Variants in SERPINA6 observed in about 807,000 individuals in gnomAD.
SERPINA6 encodes the protein corticosteroid-binding globulin.
In SERPINA6, 19 loss-of-function variants were observed where a neutral mutation model predicts 26.4. That is an observed-to-expected ratio of 0.72 (90% CI 0.50 to 1.06). SERPINA6 has a LOEUF of 1.06. SERPINA6 is among the 50% of genes least tolerant of loss of function. SERPINA6 has a pLI of 0.00. For synonymous variants in SERPINA6, 196 were observed against 199.4 expected, an observed-to-expected ratio of 0.98 and a Z score of 0.14; for missense variants, 473 against 504.0, an observed-to-expected ratio of 0.94 and a Z score of 0.59.
chr14:94,306,911 G>A (rs1392670093), intron 3 of SERPINA6, among the ~76,000 whole-genome samples: 1 of 152,170 alleles, frequency 6.6e-6, no homozygotes, highest in Non-Finnish European at 1.5e-5. Context: ...CTCCCCAGAG[G>A]GAGAGCAGAT....
At position 94,304,593 on chromosome 14, in the gene SERPINA6, T is replaced by G. The variant is rs1355733476; in HGVS notation, c.1043A>C (p.Lys348Thr). 1.9e-6 allele frequency: 3 copies of G among 1,613,890 alleles called. No homozygotes were observed. Among genetic ancestry groups the G allele is most frequent in the Non-Finnish European group, 2.5e-6 (3 of 1,179,944 alleles). Reference sequence around the variant, plus strand: ...CTCCTCATTGAGTTGCAGCACAGCTTTATGGACCACCTGTTAGGTACAGAA... The same window carrying G: ...CTCCTCATTGAGTTGCAGCACAGCTGTATGGACCACCTGTTAGGTACAGAA... Reference protein sequence around the residue: ...AQLKSSKVVHKAVLQLNEEGV... With the variant: ...AQLKSSKVVHTAVLQLNEEGV... Residue 348 changes from lysine to threonine, a missense_variant, in exon 5 of 5, where the codon AAA (lysine) becomes ACA (threonine). By Grantham distance (78) the Lys-to-Thr change is moderately conservative. Coordinates refer to ENST00000341584, the MANE Select transcript of SERPINA6 (RefSeq NM_001756.4).
rs540894794 is a variant in SERPINA6, at chr14:94,309,790, A to G, written c.830T>C (p.Ile277Thr). Residue 277 changes from isoleucine (I) to threonine (T), a missense_variant, in exon 3 of 5, where the codon ATC becomes ACC. Physicochemically the swap from Ile to Thr is moderately conservative, Grantham distance 89. Coordinates refer to ENST00000341584, the MANE Select transcript of SERPINA6 (RefSeq NM_001756.4). ...LPDKGKMNTV[I>T]AALSRDTINR... ...AATCGTGTCCCGGCTCAGTGCAGCG[A>G]TGACTGTGTTCATCTTCCCCTTGTC... 5.6e-6 allele frequency: 9 copies of G among 1,614,188 alleles called. No homozygotes were observed. The East Asian group carries it at 1.6e-4, about 28-fold the overall frequency.
rs143333989 is a variant in SERPINA6, at chr14:94,317,035, T to A, written c.-19-2368A>T. 5.7e-3 allele frequency among the ~76,000 whole-genome samples: 875 copies of A among 152,314 alleles called. 9 individuals carry two copies. The highest frequency in any genetic ancestry group is 0.02 in the African/African-American group (826 of 41,574). ...TGGCAGATTGTGGGACTTCTCAGCTTCTGTAATTACATAAGGCAATTCCCA... is the reference window on the plus strand; with the variant it reads ...TGGCAGATTGTGGGACTTCTCAGCTACTGTAATTACATAAGGCAATTCCCA... On this transcript the variant is annotated intron_variant, in intron 1 of 4. Coordinates refer to ENST00000341584, the MANE Select transcript of SERPINA6 (RefSeq NM_001756.4).
At position 94,304,268 on chromosome 14, in the gene SERPINA6, A is replaced by G; in HGVS notation, c.*150T>C. 1.2e-6 allele frequency: 1 copy of G among 804,092 alleles called. No homozygotes were observed. Among genetic ancestry groups the G allele is most frequent in the East Asian group, 2.5e-5 (1 of 39,314 alleles). The allele number at this position is 804,092 out of a possible 1,614,324, so 49.8% of individuals were successfully genotyped here. The stretch of plus-strand genomic sequence containing the variant: ...GGTCATCAGAGTCGCAATGACATTT[A>G]TTAAAAGATGCCTAAAGTTAGACAC... On this transcript the variant is annotated 3_prime_UTR_variant, in exon 5 of 5. Coordinates refer to ENST00000341584, the MANE Select transcript of SERPINA6 (RefSeq NM_001756.4).
chr14:94,309,759 C>A lies in SERPINA6; in HGVS notation c.861G>T (p.Arg287Ser), dbSNP rs768493502. 1 of 1,614,140 alleles carries A rather than the reference C, an allele frequency of 6.2e-7. No homozygotes were observed. The highest frequency in any genetic ancestry group is 1.7e-5 in the Admixed American group (1 of 60,022). ...IAALSRDTIN[R>S]WSAGLTSSQV... ...ACCTGCTGGTCAGGCCTGCGGACCACCTGTTAATCGTGTCCCGGCTCAGTG... is the reference window on the plus strand; with the variant it reads ...ACCTGCTGGTCAGGCCTGCGGACCAACTGTTAATCGTGTCCCGGCTCAGTG... Residue 287 changes from arginine to serine, a missense_variant, in exon 3 of 5, where the codon AGG becomes AGT. By Grantham distance (110) the Arg-to-Ser change is moderately radical (BLOSUM62 -1). Transcript: ENST00000341584.
rs150568135 is a variant in SERPINA6, at chr14:94,314,624, G to T, written c.25C>A (p.Leu9Ile). The T allele has an allele frequency of 6.2e-7, 1 of 1,613,992 alleles. No homozygotes were observed. The highest frequency in any genetic ancestry group is 1.7e-5 in the Admixed American group (1 of 60,030). MPLLLYTC[L>I]LWLPTSGLWT... ...AGGCCGCTGGTGGGCAGCCAGAGAA[G>T]ACAGGTGTACAGGAGGAGTGGCATT... The change falls in exon 2 of 5, where the codon CTT (leucine) becomes ATT (isoleucine). Residue 9 changes from leucine (L) to isoleucine (I), a missense_variant. Leu to Ile is a conservative substitution (Grantham distance 5). Coordinates refer to ENST00000341584, the MANE Select transcript of SERPINA6 (RefSeq NM_001756.4).
At chr14:94,321,665 C>G (rs1394465838) in intron 1 of SERPINA6, among the ~76,000 whole-genome samples, 3 of 152,124 alleles carry the variant, frequency 2.0e-5, no homozygotes, top group South Asian at 2.1e-4. Context: ...CTATGTGGCT[C>G]CAGTCTGTAG....
intron 4 of SERPINA6, 107 bp downstream of exon 4, chr14:94,305,964 G>A: frequency 7.6e-7 from 1 of 1,316,968 alleles, no homozygotes; most frequent in Non-Finnish European, 1.1e-6. Context: ...TTCTCAGCCA[G>A]GGACCTAGAG....
At chr14:94,317,965 A>G (rs1359167183) in intron 1 of SERPINA6, among the ~76,000 whole-genome samples, 2 of 152,228 alleles carry the variant, frequency 1.3e-5, no homozygotes, top group East Asian at 3.8e-4. Flanking sequence ...ATTCTATAGA[A>G]CTCATAAACA....
chr14:94,307,451 T>G (rs2144833), intron 3 of SERPINA6, among the ~76,000 whole-genome samples: 110,300 of 152,088 alleles, frequency 0.73, 40,543 homozygotes, highest in East Asian at 0.99. Flanking sequence ...GGGCTTTAAG[T>G]TATGTATTAT....
intron 3 of SERPINA6, among the ~76,000 whole-genome samples, chr14:94,307,146 A>T (rs1895452538): frequency 6.6e-6 from 1 of 152,220 alleles, no homozygotes; most frequent in East Asian, 1.9e-4. Flanking sequence ...GGAAATAGTA[A>T]CAGAAAGAAA....
At position 94,307,603 on chromosome 14, in the gene SERPINA6, G is replaced by A. The variant is rs535668733; in HGVS notation, c.885-1385C>T. Among the ~76,000 whole-genome samples, 29 of 152,330 alleles carry A rather than the reference G, an allele frequency of 1.9e-4. 1 individual carries two copies. The South Asian group carries it at 6.0e-3, about 32-fold the overall frequency. The stretch of plus-strand genomic sequence containing the variant: ...CATCATGGTGCGTTATCACCCCCTT[G>A]TGGTATTACACCTAAATTACAGGTT... On this transcript the variant is annotated intron_variant, in intron 3 of 4. Coordinates refer to ENST00000341584, the MANE Select transcript of SERPINA6 (RefSeq NM_001756.4).
intron 2 of SERPINA6, chr14:94,313,750 T>G: frequency 5.3e-6 from 3 of 562,482 alleles, no homozygotes; most frequent in African/African-American, 1.9e-5. Flanking sequence ...ACAGTCAGCA[T>G]TTGTGGAGCA....
intron 3 of SERPINA6, 118 bp from the exon 4 acceptor site, chr14:94,306,336 C>T (rs1283193005): frequency 8.5e-6 from 9 of 1,053,502 alleles, no homozygotes; most frequent in South Asian, 2.7e-5. Context: ...CCAGCTCCTG[C>T]CCTCCAGCCT....
At chr14:94,305,995 A>T in intron 4 of SERPINA6, 76 bp downstream of exon 4, 1 of 1,560,374 alleles carries the variant, frequency 6.4e-7, no homozygotes, top group Non-Finnish European at 8.8e-7. Context: ...GAACGAACTC[A>T]GTGCCACTTC....
At chr14:94,312,523 G>T (rs894545473) in intron 2 of SERPINA6, among the ~76,000 whole-genome samples, 1 of 152,246 alleles carries the variant, frequency 6.6e-6, no homozygotes, top group Non-Finnish European at 1.5e-5. Flanking sequence ...GCACAGTCTC[G>T]TGGGGGAGAT....
Position 94,309,927 on chromosome 14 carries a change from C to A in SERPINA6, c.693G>T (p.Val231=), listed in dbSNP as rs1212566734. The change falls in exon 3 of 5, where the codon GTG becomes GTT. Residue 231 remains valine (V), a synonymous_variant. Coordinates refer to ENST00000341584, the MANE Select transcript of SERPINA6 (RefSeq NM_001756.4). The part of the protein sequence containing the change: ...FYVDETTVVK[V]PMMLQSSTIS... ...TGGTGCTCGACTGCAACATCATGGG[C>A]ACCTTCACCACAGTTGTCTCGTCCA... The A allele has an allele frequency of 1.2e-6, 2 of 1,614,064 alleles. No homozygotes were observed. Among genetic ancestry groups the A allele is most frequent in the African/African-American group, 2.7e-5 (2 of 74,916 alleles).
In SERPINA6 at chr14:94,304,296, C is replaced by A; in HGVS notation, c.*122G>T. 1 of 970,178 alleles carries A rather than the reference C, an allele frequency of 1.0e-6. No individual in the cohort carries two copies. Among genetic ancestry groups the A allele is most frequent in the Non-Finnish European group, 1.7e-6 (1 of 597,686 alleles). The allele number at this position is 970,178 out of a possible 1,614,324, so 60.1% of individuals were successfully genotyped here. A position where few individuals can be genotyped will look rare whatever the true frequency, so the allele number is the denominator to read the frequency against. On this transcript the variant is annotated 3_prime_UTR_variant, in exon 5 of 5. Coordinates refer to ENST00000341584, the MANE Select transcript of SERPINA6 (RefSeq NM_001756.4). ...AAAAGATGCCTAAAGTTAGACACAA[C>A]TCTGGTTGGAGGGAGAAGAACTTGG...
intron 3 of SERPINA6, among the ~76,000 whole-genome samples, chr14:94,308,872 A>G (rs1409360865): frequency 6.6e-6 from 1 of 151,998 alleles, no homozygotes; most frequent in Non-Finnish European, 1.5e-5. Context: ...CTCATTCTCC[A>G]TTCACTCACT....
Sources: allele counts gnomAD v4.1 joint callset (sites outside exome capture counted in the v4.1 genomes callset), GRCh38; gene constraint gnomAD v4.1.1; transcripts MANE v1.5; gene names NCBI Gene and HGNC (gene_info 2026-07-23, HGNC 2026-07-21).